The following CDC14A variants were observed in gnomAD, a reference collection of about 807,000 sequenced individuals.
CDC14A encodes the protein cell division cycle 14A, also known as dual specificity protein phosphatase CDC14A.
A neutral mutation model predicts 74.4 loss-of-function variants in CDC14A; 53 were observed. That is an observed-to-expected ratio of 0.71 (90% CI 0.57 to 0.89). The LOEUF (loss-of-function observed/expected upper bound fraction) is 0.89, where lower values mean the gene tolerates loss of function less well. Among genes scored for constraint, CDC14A ranks in the 40% least tolerant of loss-of-function variants. CDC14A has a pLI of 0.00. For missense variants in CDC14A, 646 were observed against 713.7 expected (o/e 0.91, Z 1.08); for synonymous variants, 247 against 258.4 (o/e 0.96, Z 0.43).
At chr1:100,492,606 A>G (rs1232143157) in intron 11 of CDC14A, among the ~76,000 whole-genome samples, 2 of 152,220 alleles carry the variant, frequency 1.3e-5, no homozygotes, top group African/African-American at 2.4e-5. Context: ...TGAGCTTAGT[A>G]GTACACTATG....
At chr1:100,366,274 A>T (rs660945) in intron 2 of CDC14A, among the ~76,000 whole-genome samples, 103,388 of 152,110 alleles carry the variant, frequency 0.68, 36,515 homozygotes, top group African/African-American at 0.88. Context: ...TATGCTAACT[A>T]GTAATGCCTT....
chr1:100,478,252 T>A (rs1168151947), intron 10 of CDC14A, among the ~76,000 whole-genome samples: 1 of 152,176 alleles, frequency 6.6e-6, no homozygotes, highest in Non-Finnish European at 1.5e-5. Context: ...CTCAATGTCC[T>A]CCGAGACAAC....
intron 4 of CDC14A, among the ~76,000 whole-genome samples, chr1:100,403,856 A>G (rs1659584092): frequency 6.6e-6 from 1 of 152,204 alleles, no homozygotes; most frequent in Non-Finnish European, 1.5e-5. Flanking sequence ...CTGTCATTTT[A>G]GTATCTCATT....
intron 4 of CDC14A, among the ~76,000 whole-genome samples, chr1:100,412,723 T>TATATATATATAAATATATATATATATATA (rs1491148182): frequency 1.2e-5 from 1 of 83,764 alleles, no homozygotes; most frequent in Admixed American, 1.2e-4. Context: ...TATATATATA[T>TATATATATATAAATATATATATATATATA]TTTATATATA....
intron 10 of CDC14A, among the ~76,000 whole-genome samples, chr1:100,476,863 A>ATTAAGTTAAG (rs1668955747): frequency 1.3e-5 from 2 of 152,264 alleles, no homozygotes; most frequent in East Asian, 1.9e-4. Context: ...TGCAGAAGTG[A>ATTAAGTTAAG]TTAAGTTAAG....
rs545633222 is a variant in CDC14A, at chr1:100,401,813, C to T, written c.309+10989C>T. Among the ~76,000 whole-genome samples, 39 of 152,020 alleles carry T rather than the reference C, an allele frequency of 2.6e-4. No homozygotes were observed. The South Asian group carries it at 3.3e-3, about 13-fold the overall frequency. On this transcript the variant is annotated intron_variant, in intron 4 of 15. Transcript: ENST00000336454. ...CAGCACTTTGGGAGGCCAAGGTGGG[C>T]GGATCACCTGAGGTCGGGAGTTCGA...
intron 2 of CDC14A, among the ~76,000 whole-genome samples, chr1:100,355,639 C>G (rs1259766902): frequency 6.6e-6 from 1 of 152,126 alleles, no homozygotes; most frequent in African/African-American, 2.4e-5. Flanking sequence ...GGACTTCAGC[C>G]TGGGCAGAGT....
At chr1:100,487,958 G>A (rs922435230) in intron 11 of CDC14A, among the ~76,000 whole-genome samples, 1 of 152,058 alleles carries the variant, frequency 6.6e-6, no homozygotes, top group African/African-American at 2.4e-5. Context: ...TTGGCAAAAG[G>A]CCTTAATAAG....
intron 10 of CDC14A, chr1:100,481,116 A>G (rs1669427132): frequency 6.6e-6 from 1 of 152,292 alleles, no homozygotes. Context: ...TCTTTAGGCC[A>G]GGAACTGTCT....
intron 4 of CDC14A, among the ~76,000 whole-genome samples, chr1:100,411,403 C>T (rs2101040247): frequency 6.6e-6 from 1 of 152,184 alleles, no homozygotes; most frequent in African/African-American, 2.4e-5. Context: ...CACTTCTCTC[C>T]TATTGCTTTA....
At chr1:100,473,649 A>G (rs1024161241) in intron 10 of CDC14A, among the ~76,000 whole-genome samples, 1 of 152,122 alleles carries the variant, frequency 6.6e-6, no homozygotes, top group Non-Finnish European at 1.5e-5. Flanking sequence ...CGGCCTCCCA[A>G]AGTGCTGGGA....
chr1:100,470,775 C>T (rs557045005), intron 10 of CDC14A, among the ~76,000 whole-genome samples: 1 of 152,128 alleles, frequency 6.6e-6, no homozygotes, highest in African/African-American at 2.4e-5. Flanking sequence ...ACCAAAATGG[C>T]AAACAAAAAA....
intron 4 of CDC14A, among the ~76,000 whole-genome samples, chr1:100,396,126 G>T (rs547104937): frequency 1.4e-4 from 21 of 152,368 alleles, no homozygotes; most frequent in Admixed American, 5.9e-4. Flanking sequence ...CGCTGTGTGT[G>T]GAGGGTGATA....
intron 5 of CDC14A, among the ~76,000 whole-genome samples, chr1:100,436,789 A>G (rs1664394649): frequency 6.6e-6 from 1 of 151,612 alleles, no homozygotes; most frequent in Non-Finnish European, 1.5e-5. Context: ...CTTATTTACC[A>G]CTCATCTAAA....
intron 9 of CDC14A, among the ~76,000 whole-genome samples, chr1:100,465,494 A>G (rs1667712537): frequency 6.6e-6 from 1 of 152,192 alleles, no homozygotes; most frequent in Admixed American, 6.5e-5. Flanking sequence ...TTATTTTGAC[A>G]TCTGCCCTAA....
intron 7 of CDC14A, among the ~76,000 whole-genome samples, chr1:100,446,791 G>A (rs1665592086): frequency 6.6e-6 from 1 of 152,116 alleles, no homozygotes; most frequent in Non-Finnish European, 1.5e-5. Context: ...TTGACCCTCT[G>A]GGCTCAAGCC....
chr1:100,392,550 G>C (rs1315659381), intron 4 of CDC14A, among the ~76,000 whole-genome samples: 1 of 151,900 alleles, frequency 6.6e-6, no homozygotes, highest in Non-Finnish European at 1.5e-5. Context: ...CACATATTAA[G>C]CTTGATATAG....
In CDC14A at chr1:100,393,197, CA is replaced by C. The variant is rs1657949882; in HGVS notation, c.309+2374del. On this transcript the variant is annotated intron_variant, in intron 4 of 15. Transcript: ENST00000336454. Reference sequence around the variant, plus strand: ...TCAATTTAGATCCAGCTGTGAGTTGCATGTTCTTTCTCTGCCAGTTTAAATC... The same window carrying C: ...TCAATTTAGATCCAGCTGTGAGTTGCTGTTCTTTCTCTGCCAGTTTAAATC... 5.0e-6 allele frequency: 8 copies of C among 1,594,056 alleles called. No homozygotes were observed. In the South Asian group the frequency reaches 8.8e-5, roughly 18 times the overall value.
intron 2 of CDC14A, among the ~76,000 whole-genome samples, chr1:100,365,131 G>T (rs1653389502): frequency 6.6e-6 from 1 of 152,196 alleles, no homozygotes; most frequent in Non-Finnish European, 1.5e-5. Context: ...CAGACTTTTT[G>T]CAGACAAGTA....
Sources: gnomAD v4.1 joint callset for allele counts (sites outside exome capture counted in the v4.1 genomes callset) on GRCh38, gnomAD v4.1.1 for gene constraint, MANE v1.5 for transcripts, NCBI Gene and HGNC (gene_info 2026-07-23, HGNC 2026-07-21) for gene names.